The following PEBP4 variants were observed in gnomAD, a reference collection of about 807,000 sequenced individuals.
PEBP4 encodes phosphatidylethanolamine-binding protein 4.
In PEBP4, 22 loss-of-function variants were observed where a neutral mutation model predicts 23.9. That is an observed-to-expected ratio of 0.92 (90% CI 0.66 to 1.31). The LOEUF (loss-of-function observed/expected upper bound fraction) is 1.31. Among genes scored for constraint, PEBP4 ranks in the 40% most tolerant of loss-of-function variants. PEBP4 has a pLI of 0.00. For synonymous variants in PEBP4, 112 were observed against 99.3 expected (o/e 1.13, Z -0.76); for missense variants, 324 against 281.7 (o/e 1.15, Z -1.07).
At chr8:22,888,579 C>T (rs1242462498) in intron 3 of PEBP4, among the ~76,000 whole-genome samples, 1 of 152,240 alleles carries the variant, frequency 6.6e-6, no homozygotes, top group East Asian at 1.9e-4. Flanking sequence ...TGGGCTGGGC[C>T]ACACCAGTTT....
chr8:22,827,522 A>G (rs1252889875), intron 3 of PEBP4, among the ~76,000 whole-genome samples: 1 of 151,860 alleles, frequency 6.6e-6, no homozygotes, highest in Non-Finnish European at 1.5e-5. Context: ...GGCATCTTTT[A>G]CTCAGCGTAA....
At chr8:22,861,265 A>C (rs1807773228) in intron 3 of PEBP4, among the ~76,000 whole-genome samples, 1 of 152,234 alleles carries the variant, frequency 6.6e-6, no homozygotes, top group African/African-American at 2.4e-5. Context: ...GTGGAGGTTC[A>C]ATTTGCCCTA....
chr8:22,821,168 C>T (rs1022677480), intron 3 of PEBP4, among the ~76,000 whole-genome samples: 3 of 152,120 alleles, frequency 2.0e-5, no homozygotes, highest in African/African-American at 7.2e-5. Context: ...GCTTGGATGA[C>T]AGAGTGAGAC....
chr8:22,921,074 G>A (rs1411421569), intron 2 of PEBP4, among the ~76,000 whole-genome samples: 1 of 152,242 alleles, frequency 6.6e-6, no homozygotes, highest in Non-Finnish European at 1.5e-5. Flanking sequence ...GCAGGGCAGG[G>A]CAGGCCGGGC....
chr8:22,740,204 A>G (rs1385065178), intron 4 of PEBP4, among the ~76,000 whole-genome samples: 1 of 152,216 alleles, frequency 6.6e-6, no homozygotes, highest in Non-Finnish European at 1.5e-5. Flanking sequence ...TCTGGAAGAA[A>G]GGTCAGGAAT....
At chr8:22,883,862 G>T (rs1245893069) in intron 3 of PEBP4, 1 of 152,010 alleles carries the variant, frequency 6.6e-6, no homozygotes, top group Admixed American at 6.6e-5. Flanking sequence ...ATCTCAGGTG[G>T]CTTAAATTTT....
At chr8:22,899,120 A>G (rs1396154155) in intron 3 of PEBP4, among the ~76,000 whole-genome samples, 1 of 152,226 alleles carries the variant, frequency 6.6e-6, no homozygotes, top group Non-Finnish European at 1.5e-5. Flanking sequence ...AAATGGGGGA[A>G]GTAGCAGTTC....
intron 4 of PEBP4, among the ~76,000 whole-genome samples, chr8:22,812,240 A>C (rs891034954): frequency 2.0e-5 from 3 of 152,178 alleles, no homozygotes; most frequent in African/African-American, 7.2e-5. Context: ...TACCCACATA[A>C]CTAGAAAGCA....
At chr8:22,768,243 C>T (rs1219023989) in intron 4 of PEBP4, among the ~76,000 whole-genome samples, 2 of 152,128 alleles carry the variant, frequency 1.3e-5, no homozygotes, top group Non-Finnish European at 1.5e-5. Flanking sequence ...TTCTTGTGTC[C>T]CTCTGCCCCC....
chr8:22,816,615 A>ATTACAGAG (rs1484976658), intron 4 of PEBP4, among the ~76,000 whole-genome samples: 10 of 152,254 alleles, frequency 6.6e-5, no homozygotes, highest in African/African-American at 2.4e-4. Flanking sequence ...CATTTCCCAT[A>ATTACAGAG]TTACAGAGCA....
At chr8:22,931,883 T>C (rs974493568), upstream of PEBP4, among the ~76,000 whole-genome samples, 10 of 152,226 alleles carry the variant, frequency 6.6e-5, no homozygotes, top group Admixed American at 3.9e-4. Flanking sequence ...CTATTCTGAC[T>C]ACCTTCCCTC....
chr8:22,869,508 C>A (rs1450193215), intron 3 of PEBP4, among the ~76,000 whole-genome samples: 1 of 152,186 alleles, frequency 6.6e-6, no homozygotes, highest in Non-Finnish European at 1.5e-5. Context: ...GGCTCATGGA[C>A]TTTCCCCAGG....
intron 5 of PEBP4, among the ~76,000 whole-genome samples, chr8:22,726,248 G>T (rs1172466301): frequency 1.3e-5 from 2 of 152,170 alleles, no homozygotes; most frequent in African/African-American, 2.4e-5. Context: ...AGCACAGGTG[G>T]GTGCCAGGGA....
intron 4 of PEBP4, among the ~76,000 whole-genome samples, chr8:22,765,334 G>A (rs897143582): frequency 1.3e-5 from 2 of 152,084 alleles, no homozygotes; most frequent in Non-Finnish European, 2.9e-5. Flanking sequence ...AGTAGAGATG[G>A]GGTTTCACCA....
At chr8:22,894,314 A>G (rs531535475) in intron 3 of PEBP4, among the ~76,000 whole-genome samples, 1 of 152,286 alleles carries the variant, frequency 6.6e-6, no homozygotes, top group Admixed American at 6.5e-5. Context: ...GGCTCACTCT[A>G]TAATCCCAGC....
At chr8:22,783,450 T>A (rs1288033319) in intron 4 of PEBP4, among the ~76,000 whole-genome samples, 1 of 152,192 alleles carries the variant, frequency 6.6e-6, no homozygotes, top group Non-Finnish European at 1.5e-5. Context: ...GGTGACGCCC[T>A]CCAAAGGCAG....
In PEBP4 at chr8:22,796,229, C is replaced by T. The variant is rs1171369895; in HGVS notation, c.357+21408G>A. ...CAGACTCTTGAACCTATAGATTTGC[C>T]CAGTTTTCTCAGCAATTCTCAAGTG... On this transcript the variant is annotated intron_variant, in intron 4 of 6. Coordinates refer to ENST00000256404, the MANE Select transcript of PEBP4 (RefSeq NM_144962.3). Among the ~76,000 whole-genome samples, 3 of 151,408 alleles carry T rather than the reference C, an allele frequency of 2.0e-5. No homozygotes were observed. The East Asian group carries it at 5.8e-4, about 29-fold the overall frequency.
intron 4 of PEBP4, among the ~76,000 whole-genome samples, chr8:22,797,961 AG>A (rs1455299678): frequency 6.6e-6 from 1 of 152,098 alleles, no homozygotes; most frequent in African/African-American, 2.4e-5. Flanking sequence ...AGTCTTCCCC[AG>A]GGGCTGGGAA....
At chr8:22,727,016 C>T (rs1270219394) in intron 5 of PEBP4, among the ~76,000 whole-genome samples, 159 bp downstream of exon 5, 1 of 152,170 alleles carries the variant, frequency 6.6e-6, no homozygotes. Context: ...ACACTGATGG[C>T]AGTGACCATA....
Sources: gnomAD v4.1 joint callset for allele counts (sites outside exome capture counted in the v4.1 genomes callset) on GRCh38, gnomAD v4.1.1 for gene constraint, MANE v1.5 for transcripts, NCBI Gene and HGNC (gene_info 2026-07-23, HGNC 2026-07-21) for gene names.